Variants in CCDC60 observed in about 807,000 individuals in gnomAD.
CCDC60 encodes coiled-coil domain containing 60.
Under a neutral mutation model 63.5 loss-of-function variants are expected in CCDC60, and 54 were observed. The ratio of observed to expected loss-of-function variants is 0.85; its 90% confidence interval spans 0.68 to 1.07. The LOEUF (loss-of-function observed/expected upper bound fraction) is 1.07. Ranked by LOEUF, CCDC60 falls within the 50% of genes least tolerant of loss-of-function variation. The pLI is 0.00. For missense variants in CCDC60, 651 were observed against 684.3 expected (o/e 0.95, Z 0.54); for synonymous variants, 206 against 238.8 (o/e 0.86, Z 1.27).
At chr12:119,372,185 A>G (rs958487368) in intron 1 of CCDC60, among the ~76,000 whole-genome samples, 5 of 152,254 alleles carry the variant, frequency 3.3e-5, no homozygotes, top group Admixed American at 3.3e-4. Context: ...GCTTAAGCCC[A>G]GGAGGCAGAG....
intron 2 of CCDC60, among the ~76,000 whole-genome samples, chr12:119,442,163 G>GA (rs894765899): frequency 2.6e-3 from 390 of 151,558 alleles, no homozygotes; most frequent in Non-Finnish European, 3.7e-3. Context: ...ATTTTTTACA[G>GA]AAAAAAAACA....
At chr12:119,443,037 C>T (rs1950477318) in intron 2 of CCDC60, among the ~76,000 whole-genome samples, 2 of 152,178 alleles carry the variant, frequency 1.3e-5, no homozygotes, top group African/African-American at 4.8e-5. Context: ...GTAACTCTCC[C>T]CCTAAATTTA....
At chr12:119,368,289 G>A (rs1225243925) in intron 1 of CCDC60, among the ~76,000 whole-genome samples, 1 of 152,030 alleles carries the variant, frequency 6.6e-6, no homozygotes, top group East Asian at 1.9e-4. Flanking sequence ...GAATTCCTGG[G>A]TTCAAGCCAT....
rs1950751273 is a variant in CCDC60, at chr12:119,456,454, A to T, written c.171-15540A>T. Among the ~76,000 whole-genome samples, 1 of 152,216 alleles carries T rather than the reference A, an allele frequency of 6.6e-6. No individual in the cohort carries two copies. On this transcript the variant is annotated intron_variant, in intron 2 of 13. Coordinates refer to ENST00000327554, the MANE Select transcript of CCDC60 (RefSeq NM_178499.5). This position sits in a 1 kb window ranked among gnomAD's most constrained non-coding sequence, Gnocchi z 4.6. The stretch of plus-strand genomic sequence containing the variant: ...AAGACACAAGTGTTACAGGACCCCA[A>T]CACTTCCTGGGGGTTTCTGCACTAC...
chr12:119,364,598 T>C (rs2136169353), intron 1 of CCDC60, among the ~76,000 whole-genome samples: 1 of 152,276 alleles, frequency 6.6e-6, no homozygotes, highest in African/African-American at 2.4e-5. Context: ...TAACAGAGTT[T>C]ATCCATTCAC....
chr12:119,496,290 T>A (rs1053160645), intron 5 of CCDC60, among the ~76,000 whole-genome samples: 5 of 152,210 alleles, frequency 3.3e-5, no homozygotes, highest in African/African-American at 1.2e-4. Flanking sequence ...CACGAAGTAT[T>A]TGAGAAAATT....
At chr12:119,412,263 C>T (rs1956616479) in intron 1 of CCDC60, among the ~76,000 whole-genome samples, 1 of 150,542 alleles carries the variant, frequency 6.6e-6, no homozygotes, top group South Asian at 2.1e-4. Context: ...TGCTTCTGCT[C>T]TTCACATTAA....
intron 2 of CCDC60, among the ~76,000 whole-genome samples, chr12:119,448,942 G>C (rs1950586257): frequency 6.6e-6 from 1 of 152,042 alleles, no homozygotes; most frequent in Admixed American, 6.6e-5. Flanking sequence ...TAATTAAACA[G>C]AAGCCCTGAG....
At chr12:119,406,972 G>T (rs1306017317) in intron 1 of CCDC60, among the ~76,000 whole-genome samples, 1 of 152,188 alleles carries the variant, frequency 6.6e-6, no homozygotes, top group Non-Finnish European at 1.5e-5. Flanking sequence ...CACGCTGGCT[G>T]GAAATACCAC....
chr12:119,412,864 T>A (rs895849138), intron 1 of CCDC60, among the ~76,000 whole-genome samples: 1 of 148,920 alleles, frequency 6.7e-6, no homozygotes, highest in Non-Finnish European at 1.5e-5. Flanking sequence ...CACAGATACT[T>A]CTTCTGATAA....
At chr12:119,484,851 TG>T (rs1211132558) in intron 4 of CCDC60, among the ~76,000 whole-genome samples, 1 of 152,218 alleles carries the variant, frequency 6.6e-6, no homozygotes, top group Admixed American at 6.5e-5. Context: ...CAGAGCACCC[TG>T]TGGTGGACAG....
At chr12:119,486,700 A>C (rs1951449083) in intron 4 of CCDC60, among the ~76,000 whole-genome samples, 1 of 152,156 alleles carries the variant, frequency 6.6e-6, no homozygotes. Context: ...CCTAGTACAC[A>C]GAGGTGAGGG....
At chr12:119,528,787 G>C in intron 12 of CCDC60, 41 bp downstream of exon 12, 4 of 1,589,288 alleles carry the variant, frequency 2.5e-6, no homozygotes, top group Non-Finnish European at 3.4e-6. Context: ...CCCTGGAAGA[G>C]AACAGGGTGT....
In CCDC60 at chr12:119,420,949, C is replaced by T. The variant is rs1221066176; in HGVS notation, c.91-7734C>T. Among the ~76,000 whole-genome samples, 1 of 152,146 alleles carries T rather than the reference C, an allele frequency of 6.6e-6. No individual in the cohort carries two copies. The highest frequency in any genetic ancestry group is 2.4e-5 in the African/African-American group (1 of 41,422). ...CATGTGTGTACTCCTGCCATGATCCCGCCTACTCTGTTCTTTACAGCTTCT... is the reference window on the plus strand; with the variant it reads ...CATGTGTGTACTCCTGCCATGATCCTGCCTACTCTGTTCTTTACAGCTTCT... On this transcript the variant is annotated intron_variant, in intron 1 of 13. Transcript: ENST00000327554. This position sits in a 1 kb window ranked among gnomAD's most constrained non-coding sequence, Gnocchi z 4.1.
At chr12:119,468,941 A>T (rs1195801633) in intron 2 of CCDC60, among the ~76,000 whole-genome samples, 1 of 151,512 alleles carries the variant, frequency 6.6e-6, no homozygotes, top group Non-Finnish European at 1.5e-5. Context: ...AAAATTAAAA[A>T]ATATATATAT....
At chr12:119,360,240 CG>C (rs1229417085) in intron 1 of CCDC60, among the ~76,000 whole-genome samples, 2 of 149,498 alleles carry the variant, frequency 1.3e-5, no homozygotes, top group Non-Finnish European at 3.0e-5. Context: ...TAGGGGCGGC[CG>C]GGCAGAGGCG....
intron 1 of CCDC60, among the ~76,000 whole-genome samples, chr12:119,398,062 T>G (rs1311336834): frequency 0.088 from 1,239 of 14,082 alleles, no homozygotes; most frequent in Middle Eastern, 0.15. Flanking sequence ...AGGAAGGGGG[T>G]GGGGGGAGAG....
At chr12:119,451,777 C>T (rs1950640021) in intron 2 of CCDC60, among the ~76,000 whole-genome samples, 2 of 152,062 alleles carry the variant, frequency 1.3e-5, no homozygotes, top group South Asian at 4.2e-4. Context: ...CAAAATTAGG[C>T]AGAACACATG....
chr12:119,403,931 A>G (rs1010971279), intron 1 of CCDC60, among the ~76,000 whole-genome samples: 2 of 152,176 alleles, frequency 1.3e-5, no homozygotes, highest in African/African-American at 4.8e-5. Flanking sequence ...GAATCAAGCT[A>G]ATTAACATAT....
Sources: gnomAD v4.1 joint callset for allele counts (sites outside exome capture counted in the v4.1 genomes callset) on GRCh38, gnomAD v4.1.1 for gene constraint, Gnocchi (gnomAD v3.1) non-coding constraint, MANE v1.5 for transcripts, NCBI Gene and HGNC (gene_info 2026-07-23, HGNC 2026-07-21) for gene names.